Variants in IGF2BP3 observed in about 807,000 individuals in gnomAD.
IGF2BP3 encodes the protein insulin like growth factor 2 mRNA binding protein 3.
Under a neutral mutation model 73.8 loss-of-function variants are expected in IGF2BP3, and 9 were observed. The ratio of observed to expected loss-of-function variants is 0.12; its 90% confidence interval spans 0.07 to 0.21. The LOEUF is 0.21. Ranked by LOEUF, IGF2BP3 falls within the 10% of genes least tolerant of loss-of-function variation. IGF2BP3 has a pLI of 1.00. For missense variants in IGF2BP3, 542 were observed against 714.0 expected, an observed-to-expected ratio of 0.76 and a Z score of 2.75; for synonymous variants, 258 against 256.7, an observed-to-expected ratio of 1.01 and a Z score of -0.05.
At chr7:23,374,695 T>C (rs1039346825) in intron 3 of IGF2BP3, among the ~76,000 whole-genome samples, 5 of 151,940 alleles carry the variant, frequency 3.3e-5, no homozygotes, top group African/African-American at 1.2e-4. Flanking sequence ...ACGATGATGA[T>C]GATGATAAAT....
rs778331152 is a variant in IGF2BP3, at chr7:23,361,682, A to G, written c.337+8T>C. 2 of 1,613,910 alleles carry G rather than the reference A, an allele frequency of 1.2e-6. No homozygotes were observed. The highest frequency in any genetic ancestry group is 2.2e-5 in the South Asian group (2 of 91,068). ...TACAAATTTGAAAGCAATTCAGAAGACATGTACCTTGCTCACAGCTCTCCA... is the reference window on the plus strand; with the variant it reads ...TACAAATTTGAAAGCAATTCAGAAGGCATGTACCTTGCTCACAGCTCTCCA... On this transcript the variant is annotated splice_region_variant and intron_variant, in intron 4 of 14. Transcript: ENST00000258729.
chr7:23,399,463 C>T (rs908960701), intron 3 of IGF2BP3, among the ~76,000 whole-genome samples: 6 of 150,840 alleles, frequency 4.0e-5, no homozygotes, highest in Non-Finnish European at 7.4e-5. Context: ...TACAGCCAGG[C>T]ACTAGAACCT....
chr7:23,465,610 G>C (rs887461027), intron 2 of IGF2BP3, among the ~76,000 whole-genome samples: 2 of 152,188 alleles, frequency 1.3e-5, no homozygotes, highest in African/African-American at 4.8e-5. Flanking sequence ...TGTTTAGTCA[G>C]TGCAAGCCCA....
chr7:23,464,863 C>A (rs960874666), intron 2 of IGF2BP3, among the ~76,000 whole-genome samples: 17 of 151,940 alleles, frequency 1.1e-4, no homozygotes, highest in Non-Finnish European at 2.1e-4. Context: ...TAAACAATGC[C>A]AACCGCTAAA....
rs868595525 is a variant in IGF2BP3 at position 23,311,415 on chromosome 7, A to T, written c.*947T>A. On this transcript the variant is annotated 3_prime_UTR_variant, in exon 15 of 15. Coordinates refer to ENST00000258729, the MANE Select transcript of IGF2BP3 (RefSeq NM_006547.3). The stretch of plus-strand genomic sequence containing the variant: ...GCATTCAATCATGTAGCTAAACAAA[A>T]AACTGAAGTCTCCTGAAGCCATTTA... 29 of 152,760 alleles carry T rather than the reference A, an allele frequency of 1.9e-4. 1 individual carries two copies. Among genetic ancestry groups the T allele is most frequent in the Middle Eastern group, 3.4e-3 (1 of 294 alleles). 9.5% of individuals were successfully genotyped at this position (152,760 alleles called of 1,614,324 possible).
At chr7:23,404,004 C>T (rs887814383) in intron 3 of IGF2BP3, among the ~76,000 whole-genome samples, 1 of 150,740 alleles carries the variant, frequency 6.6e-6, no homozygotes, top group African/African-American at 2.4e-5. Flanking sequence ...TGGGGCACAG[C>T]GGTATGTGCC....
At chr7:23,364,820 C>T (rs933985457) in intron 3 of IGF2BP3, among the ~76,000 whole-genome samples, 6 of 150,080 alleles carry the variant, frequency 4.0e-5, no homozygotes, top group Admixed American at 6.6e-5. Flanking sequence ...GTGGGGGTAG[C>T]GGAGGGGTTC....
intron 10 of IGF2BP3, among the ~76,000 whole-genome samples, chr7:23,335,358 C>G (rs945378453): frequency 6.6e-6 from 1 of 151,814 alleles, no homozygotes; most frequent in African/African-American, 2.4e-5. Context: ...TCACGGATCA[C>G]TGCAGCCTTG....
At chr7:23,341,758 A>G (rs1182058367) in intron 10 of IGF2BP3, among the ~76,000 whole-genome samples, 1 of 152,074 alleles carries the variant, frequency 6.6e-6, no homozygotes, top group Non-Finnish European at 1.5e-5. Flanking sequence ...CTTAGAATAA[A>G]AAAAAAAGAA....
intron 3 of IGF2BP3, among the ~76,000 whole-genome samples, chr7:23,379,376 A>G (rs1256796617): frequency 6.6e-6 from 1 of 152,188 alleles, no homozygotes; most frequent in East Asian, 1.9e-4. Context: ...TTGGTCCAGA[A>G]TTCTATTAAT....
chr7:23,368,264 G>T (rs1297188939), intron 3 of IGF2BP3, among the ~76,000 whole-genome samples: 1 of 151,078 alleles, frequency 6.6e-6, no homozygotes, highest in South Asian at 2.1e-4. Context: ...GACAGACCTT[G>T]AAAGTATTAT....
At chr7:23,433,256 T>C (rs981829916) in intron 2 of IGF2BP3, among the ~76,000 whole-genome samples, 15 of 152,166 alleles carry the variant, frequency 9.9e-5, no homozygotes, top group African/African-American at 3.6e-4. Context: ...CAACAAGATA[T>C]TTTTAAACAG....
chr7:23,404,599 T>C (rs1786769794), intron 3 of IGF2BP3, among the ~76,000 whole-genome samples: 1 of 152,180 alleles, frequency 6.6e-6, no homozygotes, highest in South Asian at 2.1e-4. Context: ...GGAAAGGTAT[T>C]TGTGAATATA....
At chr7:23,431,093 A>AT (rs1292779687) in intron 2 of IGF2BP3, 2 of 152,240 alleles carry the variant, frequency 1.3e-5, no homozygotes, top group Non-Finnish European at 2.9e-5. Flanking sequence ...CAGGAACAAA[A>AT]TGTACATATC....
chr7:23,432,307 A>G (rs1259135994), intron 2 of IGF2BP3, among the ~76,000 whole-genome samples: 2 of 152,160 alleles, frequency 1.3e-5, no homozygotes, highest in Non-Finnish European at 2.9e-5. Context: ...GCATTTACAC[A>G]CTGCTATGTC....
At chr7:23,335,099 CAAAG>C (rs70966010) in intron 10 of IGF2BP3, among the ~76,000 whole-genome samples, 300 of 80,838 alleles carry the variant, frequency 3.7e-3, no homozygotes, top group Non-Finnish European at 6.0e-3. Flanking sequence ...AAAAAAAAGG[CAAAG>C]AAAGTTTTTC....
intron 2 of IGF2BP3, among the ~76,000 whole-genome samples, chr7:23,420,673 A>C (rs1175514561): frequency 6.6e-6 from 1 of 152,132 alleles, no homozygotes; most frequent in Non-Finnish European, 1.5e-5. Context: ...AACAAATACC[A>C]CAGCTGCCAT....
At chr7:23,338,863 G>A (rs139641603) in intron 10 of IGF2BP3, among the ~76,000 whole-genome samples, 1 of 152,280 alleles carries the variant, frequency 6.6e-6, no homozygotes, top group African/African-American at 2.4e-5. Context: ...ATATGATTTA[G>A]GGAAATATAT....
At chr7:23,326,543 T>C (rs932613932) in intron 10 of IGF2BP3, among the ~76,000 whole-genome samples, 15 of 151,816 alleles carry the variant, frequency 9.9e-5, no homozygotes, top group South Asian at 2.1e-4. Context: ...GAAATACCAT[T>C]TGACCCAGCC....
Sources: gnomAD v4.1 joint callset for allele counts (sites outside exome capture counted in the v4.1 genomes callset) on GRCh38, gnomAD v4.1.1 for gene constraint, MANE v1.5 for transcripts, NCBI Gene and HGNC (gene_info 2026-07-23, HGNC 2026-07-21) for gene names.